The following PTK2B variants were observed in gnomAD, a reference collection of about 807,000 sequenced individuals.
PTK2B encodes protein tyrosine kinase 2 beta.
In PTK2B, 71 loss-of-function variants were observed where a neutral mutation model predicts 142.9. That is an observed-to-expected ratio of 0.50 (90% CI 0.41 to 0.61). The LOEUF is 0.61. Ranked by LOEUF, PTK2B falls within the 20% of genes least tolerant of loss-of-function variation. The pLI is 0.00. For synonymous variants in PTK2B, 519 were observed against 503.4 expected (o/e 1.03, Z -0.42); for missense variants, 1,105 against 1,320.4 (o/e 0.84, Z 2.53).
At position 27,439,088 on chromosome 8, in the gene PTK2B, C is replaced by A; in HGVS notation, c.1701C>A (p.Asp567Glu). ...CCCCTGAGTGTGTGAAGCTGGGGGA[C>A]TTTGGTCTTTCCCGGTACATTGAGG... ...VASPECVKLG[D>E]FGLSRYIEDE... is the part of the protein sequence containing the mutation. Residue 567 changes from aspartate to glutamate, a missense_variant, in exon 19 of 31, where the codon GAC (aspartate) becomes GAA (glutamate). Physicochemically the swap from Asp to Glu is conservative, Grantham distance 45. Coordinates refer to ENST00000346049, the MANE Select transcript of PTK2B (RefSeq NM_173176.3). 1 of 1,614,040 alleles carries A rather than the reference C, an allele frequency of 6.2e-7. No homozygotes were observed. Among genetic ancestry groups the A allele is most frequent in the Non-Finnish European group, 8.5e-7 (1 of 1,179,942 alleles).
intron 1 of PTK2B, among the ~76,000 whole-genome samples, chr8:27,370,373 T>G (rs1447255060): frequency 6.6e-6 from 1 of 152,140 alleles, no homozygotes; most frequent in African/African-American, 2.4e-5. Flanking sequence ...TGAAGAGACA[T>G]GTATATGTGG....
chr8:27,454,263 C>G lies in PTK2B; in HGVS notation c.2705C>G (p.Pro902Arg). The change falls in exon 29 of 31, where the codon CCC becomes CGC. Residue 902 changes from proline to arginine, a missense_variant. Pro to Arg is a moderately radical substitution (Grantham distance 103). Transcript: ENST00000346049. The stretch of plus-strand genomic sequence containing the variant: ...CTCAAGAATGAGCTCTGTCAGCTGC[C>G]CCCCGAGGGCTACGTGGTGGTGGTG... Reference protein sequence around the residue: ...LELKNELCQLPPEGYVVVVKN... With the variant: ...LELKNELCQLRPEGYVVVVKN... 6.2e-7 allele frequency: 1 copy of G among 1,613,938 alleles called. No homozygotes were observed. Among genetic ancestry groups the G allele is most frequent in the Non-Finnish European group, 8.5e-7 (1 of 1,180,004 alleles).
chr8:27,441,430 G>GA (rs1811151878), intron 21 of PTK2B, among the ~76,000 whole-genome samples: 1 of 152,144 alleles, frequency 6.6e-6, no homozygotes, highest in African/African-American at 2.4e-5. Flanking sequence ...TAATTGACTT[G>GA]AAAAATATTT....
chr8:27,359,112 G>T (rs1259200482), intron 1 of PTK2B, among the ~76,000 whole-genome samples: 1 of 151,726 alleles, frequency 6.6e-6, no homozygotes, highest in Non-Finnish European at 1.5e-5. Context: ...TTTAGATATT[G>T]CAAATATATA....
chr8:27,319,388 A>G (rs1241931604), intron 3 of PTK2B, among the ~76,000 whole-genome samples: 1 of 150,944 alleles, frequency 6.6e-6, no homozygotes. Flanking sequence ...CATGCCTGTA[A>G]TCCCAGCACT....
At chr8:27,451,531 C>CG in intron 27 of PTK2B, 22 bp downstream of exon 27, 1 of 1,614,012 alleles carries the variant, frequency 6.2e-7, no homozygotes, top group Non-Finnish European at 8.5e-7. Context: ...CGCCCTTCTT[C>CG]GGGGGGTTTC....
At chr8:27,426,393 G>A (rs979345948) in intron 5 of PTK2B, among the ~76,000 whole-genome samples, 3 of 152,182 alleles carry the variant, frequency 2.0e-5, no homozygotes, top group Non-Finnish European at 2.9e-5. Flanking sequence ...GCACTAGAGG[G>A]CACTCCAGGT....
chr8:27,331,001 G>A (rs10097861), intron 1 of PTK2B, among the ~76,000 whole-genome samples: 116,691 of 152,132 alleles, frequency 0.77, 45,314 homozygotes, highest in Middle Eastern at 0.83. Flanking sequence ...TAGCTTGGCT[G>A]TGTTCGCTAA....
chr8:27,399,190 G>T (rs993352076), intron 2 of PTK2B, among the ~76,000 whole-genome samples: 3 of 152,220 alleles, frequency 2.0e-5, no homozygotes, highest in Non-Finnish European at 4.4e-5. Context: ...TTAGGGAGGA[G>T]CACCTCATTG....
At chr8:27,358,280 G>A (rs1330130610) in intron 1 of PTK2B, among the ~76,000 whole-genome samples, 1 of 152,150 alleles carries the variant, frequency 6.6e-6, no homozygotes, top group Middle Eastern at 3.2e-3. Flanking sequence ...TAGCACTCAG[G>A]CCAAATGAAA....
intron 7 of PTK2B, 107 bp from the exon 8 acceptor site, chr8:27,430,769 C>G: frequency 6.9e-7 from 1 of 1,456,908 alleles, no homozygotes; most frequent in South Asian, 1.3e-5. Flanking sequence ...GGCAAAGGCC[C>G]TGGGGATCAT....
intron 15 of PTK2B, 146 bp from the exon 16 acceptor site, chr8:27,436,976 A>C: frequency 1.4e-6 from 1 of 731,826 alleles, no homozygotes; most frequent in South Asian, 1.6e-5. Context: ...AGAAGAGAGG[A>C]AGACAAAGGG....
chr8:27,433,955 A>T, intron 11 of PTK2B, 138 bp from the exon 12 acceptor site: 1 of 1,204,358 alleles, frequency 8.3e-7, no homozygotes, highest in East Asian at 2.3e-5. Flanking sequence ...AGGCCTCACT[A>T]GCTCCCAGGC....
At chr8:27,420,995 G>A (rs532119649) in intron 4 of PTK2B, among the ~76,000 whole-genome samples, 93 of 152,306 alleles carry the variant, frequency 6.1e-4, no homozygotes, top group African/African-American at 2.2e-3. Context: ...GGTGGCCCAG[G>A]AGACCTGGCT....
intron 1 of PTK2B, among the ~76,000 whole-genome samples, chr8:27,371,080 GA>G (rs1294130302): frequency 6.6e-6 from 1 of 152,070 alleles, no homozygotes; most frequent in Non-Finnish European, 1.5e-5. Flanking sequence ...ATTTTTAGTA[GA>G]GACCAGGTTT....
In PTK2B at chr8:27,445,918, G is replaced by A. The variant is rs200782817; in HGVS notation, c.2339G>A (p.Arg780Gln). 1.1e-4 allele frequency: 172 copies of A among 1,613,216 alleles called. No individual in the cohort carries two copies. Among genetic ancestry groups the A allele is most frequent in the Middle Eastern group, 1.6e-4 (1 of 6,084 alleles). ...RHNVFKRHSMREEDFIQPSSR... is the reference protein window; with the variant it reads ...RHNVFKRHSMQEEDFIQPSSR... ...AATGTCTTCAAACGCCACAGCATGCGGGTAAGAGGGCTCTGCATGCTGGTC... is the reference window on the plus strand; with the variant it reads ...AATGTCTTCAAACGCCACAGCATGCAGGTAAGAGGGCTCTGCATGCTGGTC... Residue 780 changes from arginine to glutamine, a missense_variant and splice_region_variant, in exon 24 of 31, where the codon CGG becomes CAG. Coordinates refer to ENST00000346049, the MANE Select transcript of PTK2B (RefSeq NM_173176.3).
intron 1 of PTK2B, among the ~76,000 whole-genome samples, chr8:27,346,495 G>C (rs139006435): frequency 1.3e-5 from 2 of 152,182 alleles, no homozygotes; most frequent in African/African-American, 4.8e-5. Flanking sequence ...ACAGTGAGCC[G>C]TGATTGTGCA....
At chr8:27,394,008 G>A (rs1807888046) in intron 1 of PTK2B, among the ~76,000 whole-genome samples, 1 of 152,198 alleles carries the variant, frequency 6.6e-6, no homozygotes, top group African/African-American at 2.4e-5. Context: ...TTAGGCAGTT[G>A]TGTGAACATC....
intron 1 of PTK2B, among the ~76,000 whole-genome samples, chr8:27,325,923 C>T (rs1235817511): frequency 6.6e-6 from 1 of 152,158 alleles, no homozygotes; most frequent in East Asian, 1.9e-4. Flanking sequence ...TAGGGTGTTT[C>T]TCCCTCTTTG....
Sources: allele counts gnomAD v4.1 joint callset (sites outside exome capture counted in the v4.1 genomes callset), GRCh38; gene constraint gnomAD v4.1.1; transcripts MANE v1.5; gene names NCBI Gene and HGNC (gene_info 2026-07-23, HGNC 2026-07-21).